The following RTN4RL1 variants were observed in gnomAD, a reference collection of about 807,000 sequenced individuals.
RTN4RL1 encodes the protein reticulon-4 receptor-like 1.
A neutral mutation model predicts 25.6 loss-of-function variants in RTN4RL1; 7 were observed. The observed-to-expected ratio is 0.27, with a 90% CI of 0.16 to 0.51. RTN4RL1 has a LOEUF of 0.51. Ranked by LOEUF, RTN4RL1 falls within the 20% of genes least tolerant of loss-of-function variation. The probability of loss-of-function intolerance (pLI) is 0.97; values close to 1 mark genes in which losing one functional copy is unlikely to be tolerated. For synonymous variants in RTN4RL1, 297 were observed against 288.2 expected (o/e 1.03, Z -0.31); for missense variants, 500 against 615.6 (o/e 0.81, Z 1.99).
chr17:1,983,452 C>T (rs142206172), intron 1 of RTN4RL1, among the ~76,000 whole-genome samples: 31 of 152,320 alleles, frequency 2.0e-4, no homozygotes, highest in African/African-American at 7.2e-4. Context: ...AGACGCTGCA[C>T]CTAATTCGGG....
chr17:1,983,994 C>T (rs541145432), intron 1 of RTN4RL1, among the ~76,000 whole-genome samples: 7 of 152,288 alleles, frequency 4.6e-5, no homozygotes, highest in African/African-American at 1.2e-4. Context: ...AAGGGCTGGC[C>T]GGAGCCCTGA....
intron 1 of RTN4RL1, chr17:2,019,990 G>A (rs957653293): frequency 6.6e-6 from 1 of 152,218 alleles, no homozygotes; most frequent in African/African-American, 2.4e-5. Flanking sequence ...AACTCGCTCT[G>A]CCTCTCCTCT....
At position 1,935,406 on chromosome 17, in the gene RTN4RL1, G is replaced by T; in HGVS notation, c.*1090C>A. ...GCGCTCCAGGGTGGCAGACAGGCTT[G>T]TGTTGCATATAAAAACAAGGTGATG... On this transcript the variant is annotated 3_prime_UTR_variant, in exon 2 of 2. Transcript: ENST00000331238. 3.3e-6 allele frequency: 1 copy of T among 298,508 alleles called. No homozygotes were observed. The highest frequency in any genetic ancestry group is 5.0e-6 in the Non-Finnish European group (1 of 201,646). The allele number at this position is 298,508 out of a possible 1,614,324, so 18.5% of individuals were successfully genotyped here.
At chr17:1,980,346 C>T (rs1323425509) in intron 1 of RTN4RL1, among the ~76,000 whole-genome samples, 1 of 151,424 alleles carries the variant, frequency 6.6e-6, no homozygotes, top group African/African-American at 2.4e-5. Context: ...GCTAAGATTA[C>T]AGGCATCAGC....
At chr17:2,001,329 C>T (rs980989014) in intron 1 of RTN4RL1, 3 of 152,128 alleles carry the variant, frequency 2.0e-5, no homozygotes, top group Non-Finnish European at 4.4e-5. Flanking sequence ...ACTGCAAGCT[C>T]CGCCTCCGGG....
chr17:1,951,333 CA>C, intron 1 of RTN4RL1, among the ~76,000 whole-genome samples: 1 of 152,044 alleles, frequency 6.6e-6, no homozygotes. Flanking sequence ...TTTCGCGACA[CA>C]ATGCTTTTGT....
chr17:1,939,240 C>T lies in RTN4RL1; in HGVS notation c.14-1432G>A, dbSNP rs546294419. On this transcript the variant is annotated intron_variant, in intron 1 of 1. Transcript: ENST00000331238. ...TGGTGGCGCGCACTTGTAGTCCCAG[C>T]TACTTGGGAGGCTGAGGCAGGAGAA... 1.3e-3 allele frequency among the ~76,000 whole-genome samples: 189 copies of T among 146,890 alleles called. 2 individuals carry two copies. The South Asian group carries it at 0.026, about 20-fold the overall frequency.
intron 1 of RTN4RL1, among the ~76,000 whole-genome samples, chr17:1,988,195 G>A (rs1320207091): frequency 6.6e-6 from 1 of 152,054 alleles, no homozygotes; most frequent in Non-Finnish European, 1.5e-5. Context: ...GAGGTGGGCA[G>A]ATCACGAGGT....
In RTN4RL1 at chr17:1,937,834, G is replaced by C. The variant is rs754100943; in HGVS notation, c.14-26C>G. On this transcript the variant is annotated intron_variant, in intron 1 of 1. Coordinates refer to ENST00000331238, the MANE Select transcript of RTN4RL1 (RefSeq NM_178568.4). ...CTGGCAGGGAGAGAGAGCACAGCCA[G>C]GTCAGGGGCCGTGCAGGTGAGGACT... 2.0e-6 allele frequency: 3 copies of C among 1,535,708 alleles called. No individual in the cohort carries two copies. The South Asian group carries it at 3.5e-5, about 18-fold the overall frequency.
rs967994812 is a variant in RTN4RL1, at chr17:1,936,013, G to C, written c.*483C>G. 13 of 988,418 alleles carry C rather than the reference G, an allele frequency of 1.3e-5. No individual in the cohort carries two copies. The highest frequency in any genetic ancestry group is 1.4e-5 in the Non-Finnish European group (12 of 831,834). The allele number at this position is 988,418 out of a possible 1,614,324, so 61.2% of individuals were successfully genotyped here. On this transcript the variant is annotated 3_prime_UTR_variant, in exon 2 of 2. Transcript: ENST00000331238. ...GGGCAGGGTGACTGGCCTCAGGCAA[G>C]AGCCAAGATGCCACCTGCTCGTGTG...
chr17:1,991,080 C>T (rs577153125), intron 1 of RTN4RL1, among the ~76,000 whole-genome samples: 35 of 152,168 alleles, frequency 2.3e-4, no homozygotes, highest in Non-Finnish European at 4.7e-4. Context: ...TGTAACCAAC[C>T]GAGTCGCAGA....
intron 1 of RTN4RL1, among the ~76,000 whole-genome samples, chr17:1,942,719 G>C (rs1223136224): frequency 6.6e-6 from 1 of 152,202 alleles, no homozygotes; most frequent in South Asian, 2.1e-4. Context: ...GGAGCATGGG[G>C]GCAGCTCAGG....
intron 1 of RTN4RL1, among the ~76,000 whole-genome samples, chr17:1,996,398 C>G (rs1276096257): frequency 6.7e-6 from 1 of 148,880 alleles, no homozygotes; most frequent in Non-Finnish European, 1.5e-5. Context: ...CCCTCCCCCC[C>G]GGCCCAAGGT....
At position 1,994,863 on chromosome 17, in the gene RTN4RL1, C is replaced by T. The variant is rs149843930; in HGVS notation, c.13+29990G>A. On this transcript the variant is annotated intron_variant, in intron 1 of 1. Coordinates refer to ENST00000331238, the MANE Select transcript of RTN4RL1 (RefSeq NM_178568.4). This position sits in a 1 kb window ranked among gnomAD's most constrained non-coding sequence, Gnocchi z 4.3. ...ATATAATCCCAGTACTTTGGGAAGC[C>T]GAGGTGGGAGGACTGCTTGAAGCCA... Among the ~76,000 whole-genome samples, 52 of 151,898 alleles carry T rather than the reference C, an allele frequency of 3.4e-4. 1 individual carries two copies. In the East Asian group the frequency reaches 9.7e-3, roughly 28 times the overall value.
At chr17:2,017,468 GCA>G (rs973408708) in intron 1 of RTN4RL1, among the ~76,000 whole-genome samples, 1 of 152,188 alleles carries the variant, frequency 6.6e-6, no homozygotes, top group Non-Finnish European at 1.5e-5. Flanking sequence ...CTGACATGTG[GCA>G]CACACAGCGC....
intron 1 of RTN4RL1, among the ~76,000 whole-genome samples, chr17:1,941,184 C>T (rs1223848834): frequency 4.6e-5 from 7 of 152,158 alleles, no homozygotes; most frequent in East Asian, 1.9e-4. Flanking sequence ...AAATGACACC[C>T]GGAGAAGCTA....
intron 1 of RTN4RL1, among the ~76,000 whole-genome samples, chr17:1,985,251 C>T (rs138568914): frequency 7.2e-5 from 11 of 152,324 alleles, no homozygotes; most frequent in East Asian, 1.9e-4. Flanking sequence ...TCCCTGAGTG[C>T]CTGCACCAAT....
intron 1 of RTN4RL1, among the ~76,000 whole-genome samples, chr17:1,962,196 C>G (rs1172233130): frequency 1.3e-5 from 2 of 149,966 alleles, no homozygotes; most frequent in Non-Finnish European, 3.0e-5. Flanking sequence ...GGGAGGATTG[C>G]TTGAGCCTGG....
chr17:1,967,636 GTC>G (rs1235634450), intron 1 of RTN4RL1, among the ~76,000 whole-genome samples: 5 of 150,724 alleles, frequency 3.3e-5, no homozygotes, highest in South Asian at 2.1e-4. Flanking sequence ...ACACTTTCCA[GTC>G]TCTCTCTTTC....
Sources: gnomAD v4.1 joint callset for allele counts (sites outside exome capture counted in the v4.1 genomes callset) on GRCh38, gnomAD v4.1.1 for gene constraint, Gnocchi (gnomAD v3.1) non-coding constraint, MANE v1.5 for transcripts, NCBI Gene and HGNC (gene_info 2026-07-23, HGNC 2026-07-21) for gene names.